Variants in MEI1 observed in about 807,000 individuals in gnomAD.
The protein encoded by MEI1 is meiosis inhibitor protein 1.
A neutral mutation model predicts 146.2 loss-of-function variants in MEI1; 103 were observed. The ratio of observed to expected loss-of-function variants is 0.70; its 90% CI spans 0.60 to 0.83. The LOEUF is 0.83. MEI1 is among the 40% of genes least tolerant of loss of function. The pLI, the probability that MEI1 is intolerant of heterozygous loss-of-function variation, is 0.00. For synonymous variants in MEI1, 652 were observed against 628.2 expected (o/e 1.04, Z -0.57); for missense variants, 1,529 against 1,533.0 (o/e 1.00, Z 0.04).
At position 41,745,079 on chromosome 22, in the gene MEI1, G is replaced by A. The variant is rs1231481532; in HGVS notation, c.1538+15G>A. 1 of 1,505,288 alleles carries A rather than the reference G, an allele frequency of 6.6e-7. No homozygotes were observed. The highest frequency in any genetic ancestry group is 2.2e-5 in the Admixed American group (1 of 45,298). The allele number at this position is 1,505,288 out of a possible 1,614,324, so 93.2% of individuals were successfully genotyped here. On this transcript the variant is annotated intron_variant, in intron 13 of 30. Transcript: ENST00000401548. Reference sequence around the variant, plus strand: ...AGTGCCTGCAGGTGAGGGGCCCTCTGAGGTATGAAGTAATAGCATGGAAGG... The same window carrying A: ...AGTGCCTGCAGGTGAGGGGCCCTCTAAGGTATGAAGTAATAGCATGGAAGG...
chr22:41,732,535 A>G lies in MEI1; in HGVS notation c.1263A>G (p.Gln421=). 5 of 1,613,886 alleles carry G rather than the reference A, an allele frequency of 3.1e-6. No homozygotes were observed. Among genetic ancestry groups the G allele is most frequent in the East Asian group, 2.2e-5 (1 of 44,862 alleles). ...AMCRDAGRAL[Q]EAVSSPVLEV... ...GCAGAGATGCTGGCCGTGCCCTCCA[A>G]GAAGCAGTTAGCAGCCCTGTGCTGG... The change falls in exon 11 of 31, where the codon CAA becomes CAG. Residue 421 remains glutamine (Q), a synonymous_variant. Coordinates refer to ENST00000401548, the MANE Select transcript of MEI1 (RefSeq NM_152513.4).
chr22:41,781,433 C>T lies in MEI1; in HGVS notation c.2926+39C>T, dbSNP rs760097609. The T allele has an allele frequency of 7.4e-6, 11 of 1,492,614 alleles. No homozygotes were observed. The South Asian group carries it at 1.1e-4, about 14-fold the overall frequency. 92.5% of individuals were successfully genotyped at this position (1,492,614 alleles called of 1,614,324 possible). ...GGCTGGGACAGTGAAGAGTGCTGGG[C>T]AGTCTGTGGTCCTCTGTATCTCAAC... On this transcript the variant is annotated intron_variant, in intron 23 of 30. Transcript: ENST00000401548.
rs750724898 is a variant in MEI1 at position 41,718,068 on chromosome 22, C to T, written c.530-3C>T. 1 of 1,591,372 alleles carries T rather than the reference C, an allele frequency of 6.3e-7. No individual in the cohort carries two copies. The highest frequency in any genetic ancestry group is 8.6e-7 in the Non-Finnish European group (1 of 1,166,996). On this transcript the variant is annotated splice_polypyrimidine_tract_variant and splice_region_variant and intron_variant, in intron 5 of 30. Coordinates refer to ENST00000401548, the MANE Select transcript of MEI1 (RefSeq NM_152513.4). ...CTTGGCTCCTTGGTTGTTTTCTGGACAGGCAACCTGATGGAGCATCTGTTG... is the reference window on the plus strand; with the variant it reads ...CTTGGCTCCTTGGTTGTTTTCTGGATAGGCAACCTGATGGAGCATCTGTTG...
At chr22:41,727,374 CATCCCTAATAGCTA>C (rs1306957361) in intron 7 of MEI1, among the ~76,000 whole-genome samples, 1 of 152,206 alleles carries the variant, frequency 6.6e-6, no homozygotes, top group Non-Finnish European at 1.5e-5. Context: ...GTGTTAGAGG[CATCCCTAATAGCTA>C]TGGTGACGAG....
At chr22:41,772,455 G>A (rs1335697809) in intron 20 of MEI1, among the ~76,000 whole-genome samples, 1 of 152,072 alleles carries the variant, frequency 6.6e-6, no homozygotes, top group East Asian at 1.9e-4. Flanking sequence ...CCAAGTAGCT[G>A]GAACTACAAG....
chr22:41,763,922 T>A (rs1169469393), intron 19 of MEI1, among the ~76,000 whole-genome samples: 1 of 149,728 alleles, frequency 6.7e-6, no homozygotes. Context: ...AGTAACTGAA[T>A]AGTTAATGAG....
chr22:41,793,942 A>T (rs2076279847), intron 27 of MEI1, 32 bp downstream of exon 27: 2 of 1,582,842 alleles, frequency 1.3e-6, no homozygotes, highest in Non-Finnish European at 1.7e-6. Context: ...TGATGTTCCC[A>T]TGAGAGAGAT....
At chr22:41,785,168 C>T (rs1236958292) in intron 26 of MEI1, among the ~76,000 whole-genome samples, 49 of 151,536 alleles carry the variant, frequency 3.2e-4, no homozygotes, top group African/African-American at 4.8e-5. Context: ...ATCTCTTGAC[C>T]TCGTGATCCG....
chr22:41,743,359 A>G (rs1197458729), intron 12 of MEI1, among the ~76,000 whole-genome samples, 165 bp downstream of exon 12: 1 of 152,206 alleles, frequency 6.6e-6, no homozygotes, highest in Non-Finnish European at 1.5e-5. Context: ...TATGAAGCTT[A>G]AGGATTACTA....
intron 7 of MEI1, among the ~76,000 whole-genome samples, chr22:41,726,778 C>CT (rs1250903457): frequency 0.014 from 2,015 of 144,198 alleles, 42 homozygotes; most frequent in African/African-American, 0.043. Context: ...AGATTAATTT[C>CT]TTTTTTTTTT....
intron 11 of MEI1, among the ~76,000 whole-genome samples, chr22:41,733,921 G>A (rs1032654380): frequency 1.6e-4 from 24 of 152,108 alleles, no homozygotes; most frequent in African/African-American, 5.8e-4. Context: ...GAAGTCGGGA[G>A]TTTGAGACCA....
rs2068864069 is a variant in MEI1 at position 41,703,519 on chromosome 22, C to T, written c.298+65C>T. 3 of 1,367,388 alleles carry T rather than the reference C, an allele frequency of 2.2e-6. No homozygotes were observed. In the East Asian group the frequency reaches 8.1e-5, roughly 37 times the overall value. The allele number at this position is 1,367,388 out of a possible 1,614,324, so 84.7% of individuals were successfully genotyped here. A position where few individuals can be genotyped will look rare whatever the true frequency, so the allele number is the denominator to read the frequency against. On this transcript the variant is annotated intron_variant, in intron 2 of 30. Transcript: ENST00000401548. ...ATAGTATGTATATCTGCTTTTGGGG[C>T]TCTTGGAAAAATGATCTTAGATGAT...
At position 41,758,582 on chromosome 22, in the gene MEI1, C is replaced by CAGCA. The variant is rs1171185230; in HGVS notation, c.2120+50_2120+53dup. On this transcript the variant is annotated intron_variant, in intron 18 of 30. Transcript: ENST00000401548. ...TGGTGGTGGGTCTTGGGACCTTCAT[C>CAGCA]AGCAGTTCAGTTCAATAAATAAGGG... 4 of 1,555,746 alleles carry CAGCA rather than the reference C, an allele frequency of 2.6e-6. No individual in the cohort carries two copies. The Admixed American group carries it at 5.5e-5, about 21-fold the overall frequency.
chr22:41,718,224 T>C lies in MEI1; in HGVS notation c.683T>C (p.Leu228Pro), dbSNP rs768861313. 1.9e-6 allele frequency: 3 copies of C among 1,613,962 alleles called. No individual in the cohort carries two copies. In the Admixed American group the frequency reaches 5.0e-5, roughly 27 times the overall value. Residue 228 changes from leucine (L) to proline (P), a missense_variant, in exon 6 of 31, where the codon CTT becomes CCT. Physicochemically the swap from Leu to Pro is moderately conservative, Grantham distance 98. Around this residue, in one of 3 missense-constraint regions of MEI1, gnomAD observed 1,212 missense variants for 1,178.9 expected, o/e 1.03. Transcript: ENST00000401548. Reference protein sequence around the residue: ...HFREKLFPLFLSILDGAQTKE... With the variant: ...HFREKLFPLFPSILDGAQTKE... ...CGTGAGAAGCTTTTTCCCCTCTTCC[T>C]TTCCATCCTGGATGGTGCCCAGACA... is the stretch of plus-strand genomic sequence containing the variant.
At chr22:41,700,149 C>T (rs983477805) in intron 1 of MEI1, among the ~76,000 whole-genome samples, 1 of 152,168 alleles carries the variant, frequency 6.6e-6, no homozygotes, top group African/African-American at 2.4e-5. Context: ...ATGCGGCGGC[C>T]GCTCCTCATT....
intron 7 of MEI1, among the ~76,000 whole-genome samples, chr22:41,726,955 A>G (rs2147507542): frequency 6.6e-6 from 1 of 151,886 alleles, no homozygotes; most frequent in African/African-American, 2.4e-5. Context: ...TTGTATTTTT[A>G]GTAGAGATGG....
chr22:41,796,650 C>G (rs996973809), intron 30 of MEI1, among the ~76,000 whole-genome samples: 5 of 152,176 alleles, frequency 3.3e-5, no homozygotes, highest in Non-Finnish European at 7.3e-5. Context: ...AATTCCATAC[C>G]TGACTTCACA....
At chr22:41,767,981 TC>T (rs1343366584) in intron 19 of MEI1, among the ~76,000 whole-genome samples, 1 of 152,158 alleles carries the variant, frequency 6.6e-6, no homozygotes, top group Admixed American at 6.6e-5. Flanking sequence ...GCCCAATCTA[TC>T]CATTCAAGGA....
Position 41,729,670 on chromosome 22 carries a change from C to T in MEI1, c.870C>T (p.Leu290=). ...TSLPLVLKKL[L]LSRDETLQVA... ...TTTGCTGCCTGTTTCTCCAGCTTCT[C>T]CTCTCTAGAGATGAAACCCTGCAGG... is the stretch of plus-strand genomic sequence containing the variant. Residue 290 remains leucine (L), a synonymous_variant, in exon 8 of 31, where the codon CTC becomes CTT. Transcript: ENST00000401548. 1 of 1,607,596 alleles carries T rather than the reference C, an allele frequency of 6.2e-7. No individual in the cohort carries two copies. The highest frequency in any genetic ancestry group is 8.5e-7 in the Non-Finnish European group (1 of 1,176,520).
Sources: allele counts gnomAD v4.1 joint callset (sites outside exome capture counted in the v4.1 genomes callset), GRCh38; gene constraint gnomAD v4.1.1; regional missense constraint gnomAD v4.1.1; transcripts MANE v1.5; gene names NCBI Gene and HGNC (gene_info 2026-07-23, HGNC 2026-07-21).